The following LRRCC1 variants were observed in gnomAD, a reference collection of about 807,000 sequenced individuals.
LRRCC1 encodes the protein leucine-rich repeat and coiled-coil domain-containing protein 1.
In LRRCC1, 115 loss-of-function variants were observed where a neutral mutation model predicts 126.0. The observed-to-expected ratio is 0.91, with a 90% CI of 0.78 to 1.07. The LOEUF is 1.07. Ranked by LOEUF, LRRCC1 falls within the 50% of genes least tolerant of loss-of-function variation. LRRCC1 has a pLI of 0.00. For missense variants in LRRCC1, 1,172 were observed against 1,175.7 expected (o/e 1.00, Z 0.05); for synonymous variants, 400 against 393.4 (o/e 1.02, Z -0.20).
At chr8:85,112,299 T>C (rs372860908) in intron 3 of LRRCC1, among the ~76,000 whole-genome samples, 2 of 152,166 alleles carry the variant, frequency 1.3e-5, no homozygotes, top group East Asian at 1.9e-4. Context: ...TGAACGTTCG[T>C]ATGATTACAT....
chr8:85,142,262 C>T (rs989256167), intron 18 of LRRCC1, among the ~76,000 whole-genome samples: 6 of 152,100 alleles, frequency 3.9e-5, no homozygotes, highest in Non-Finnish European at 7.4e-5. Flanking sequence ...CACTGCACTC[C>T]AGCCTAGTGA....
intron 9 of LRRCC1, among the ~76,000 whole-genome samples, chr8:85,128,636 A>G (rs1256101021): frequency 6.6e-6 from 1 of 152,120 alleles, no homozygotes; most frequent in Non-Finnish European, 1.5e-5. Flanking sequence ...CTGTTCATCT[A>G]ATTATCTACT....
intron 10 of LRRCC1, 107 bp downstream of exon 10, chr8:85,129,486 A>G (rs1810279251): frequency 2.2e-6 from 2 of 925,474 alleles, no homozygotes; most frequent in South Asian, 1.8e-5. Context: ...GTAAGGCCAT[A>G]TGCAAAAATT....
intron 13 of LRRCC1, among the ~76,000 whole-genome samples, chr8:85,135,521 C>T (rs1042666965): frequency 9.9e-5 from 15 of 151,914 alleles, no homozygotes; most frequent in African/African-American, 3.4e-4. Context: ...TATAAATGCT[C>T]GTGAAAAATT....
chr8:85,107,468 GCGACACCAGA>G, intron 1 of LRRCC1, 69 bp downstream of exon 1: 2 of 1,368,506 alleles, frequency 1.5e-6, no homozygotes, highest in Non-Finnish European at 2.0e-6. Flanking sequence ...GTGGCTGGCG[GCGACACCAGA>G]GTGGAGGCGC....
At position 85,118,590 on chromosome 8, in the gene LRRCC1, T is replaced by C. The variant is rs149808954; in HGVS notation, c.930+3006T>C. On this transcript the variant is annotated intron_variant, in intron 6 of 18. Coordinates refer to ENST00000360375, the MANE Select transcript of LRRCC1 (RefSeq NM_033402.5). ...TCATTCTAGTGGGAGTATCCTGATG[T>C]TTGTTGTGATTTTAATCTGCATTTC... Among the ~76,000 whole-genome samples, 258 of 152,216 alleles carry C rather than the reference T, an allele frequency of 1.7e-3. 1 individual carries two copies. The highest frequency in any genetic ancestry group is 5.3e-3 in the African/African-American group (222 of 41,560).
intron 15 of LRRCC1, 35 bp downstream of exon 15, chr8:85,137,662 A>G (rs745948706): frequency 1.4e-5 from 19 of 1,353,114 alleles, no homozygotes; most frequent in Non-Finnish European, 1.6e-5. Flanking sequence ...TAAAGAGCAA[A>G]TGGCAGGTTT....
chr8:85,117,092 G>A (rs1371262748), intron 6 of LRRCC1, among the ~76,000 whole-genome samples: 2 of 152,306 alleles, frequency 1.3e-5, no homozygotes, highest in Middle Eastern at 3.4e-3. Flanking sequence ...TTAATTTGAA[G>A]TGAACATTTC....
chr8:85,115,335 A>G (rs749279839), intron 5 of LRRCC1, 40 bp from the exon 6 acceptor site: 3 of 1,577,054 alleles, frequency 1.9e-6, no homozygotes, highest in Non-Finnish European at 2.6e-6. Context: ...CAATAAGTGA[A>G]TATAAATTAA....
At chr8:85,112,277 A>T (rs1808788966) in intron 3 of LRRCC1, among the ~76,000 whole-genome samples, 1 of 152,210 alleles carries the variant, frequency 6.6e-6, no homozygotes. Flanking sequence ...TGGCCACTCA[A>T]AGACCTGTAC....
rs569787598 is a variant in LRRCC1 at position 85,138,200 on chromosome 8, A to G, written c.2659A>G (p.Lys887Glu). 1 of 1,612,100 alleles carries G rather than the reference A, an allele frequency of 6.2e-7. No homozygotes were observed. The highest frequency in any genetic ancestry group is 2.2e-5 in the East Asian group (1 of 44,738). Residue 887 changes from lysine (K) to glutamate (E), a missense_variant, in exon 16 of 19, where the codon AAA (lysine) becomes GAA (glutamate). Lys to Glu is a moderately conservative substitution (Grantham distance 56, BLOSUM62 1). Transcript: ENST00000360375. ...ERKEKLKQQL[K>E]GKEVELEEIR... ...AAAAGAAAAACTAAAACAACAGTTGAAAGGAAAGGAAGTAGAACTTGAAGA... is the reference window on the plus strand; with the variant it reads ...AAAAGAAAAACTAAAACAACAGTTGGAAGGAAAGGAAGTAGAACTTGAAGA...
chr8:85,108,094 T>C (rs181824585), intron 1 of LRRCC1, among the ~76,000 whole-genome samples: 5 of 152,358 alleles, frequency 3.3e-5, no homozygotes, highest in African/African-American at 1.2e-4. Context: ...TTTCTCCACT[T>C]ACACTTTATT....
At chr8:85,123,631 T>C in intron 7 of LRRCC1, 25 bp downstream of exon 7, 1 of 1,505,746 alleles carries the variant, frequency 6.6e-7, no homozygotes. Context: ...TTTAGAAATT[T>C]AAGGCACACA....
chr8:85,138,818 G>C (rs1248312964), intron 17 of LRRCC1, among the ~76,000 whole-genome samples: 3 of 152,164 alleles, frequency 2.0e-5, no homozygotes, highest in Non-Finnish European at 4.4e-5. Context: ...GCCGAGGTGG[G>C]TGGATCACCT....
chr8:85,134,460 C>T (rs1563952752), intron 12 of LRRCC1, among the ~76,000 whole-genome samples: 1 of 152,100 alleles, frequency 6.6e-6, no homozygotes, highest in South Asian at 2.1e-4. Context: ...TGGGATTTTA[C>T]AGGTGTGCAC....
Position 85,124,942 on chromosome 8 carries a change from A to T in LRRCC1, c.1272+3A>T. 6.3e-7 allele frequency: 1 copy of T among 1,576,764 alleles called. No individual in the cohort carries two copies. Among genetic ancestry groups the T allele is most frequent in the Non-Finnish European group, 8.6e-7 (1 of 1,165,244 alleles). ...ACTCAGAAGACAACACTTACCAGGTATGATTTAAGAGTTAAAGAAAAAATG... is the reference window on the plus strand; with the variant it reads ...ACTCAGAAGACAACACTTACCAGGTTTGATTTAAGAGTTAAAGAAAAAATG... On this transcript the variant is annotated splice_donor_region_variant and intron_variant, in intron 8 of 18. Coordinates refer to ENST00000360375, the MANE Select transcript of LRRCC1 (RefSeq NM_033402.5).
chr8:85,116,563 C>G (rs1052803145), intron 6 of LRRCC1, among the ~76,000 whole-genome samples: 1 of 151,914 alleles, frequency 6.6e-6, no homozygotes, highest in Non-Finnish European at 1.5e-5. Flanking sequence ...TGTGTGGAGA[C>G]TGGGTCTCGC....
chr8:85,122,115 A>G (rs1381057839), intron 6 of LRRCC1, among the ~76,000 whole-genome samples: 2 of 152,140 alleles, frequency 1.3e-5, no homozygotes, highest in Non-Finnish European at 2.9e-5. Context: ...TTTGATTGCA[A>G]AGTTAACATG....
intron 18 of LRRCC1, among the ~76,000 whole-genome samples, chr8:85,141,850 A>T (rs1039818075): frequency 1.3e-5 from 2 of 152,202 alleles, no homozygotes; most frequent in Non-Finnish European, 2.9e-5. Context: ...GAAGGTATTA[A>T]ACATAATCCA....
Sources: gnomAD v4.1 joint callset for allele counts (sites outside exome capture counted in the v4.1 genomes callset) on GRCh38, gnomAD v4.1.1 for gene constraint, MANE v1.5 for transcripts, NCBI Gene and HGNC (gene_info 2026-07-23, HGNC 2026-07-21) for gene names.